DNAH10: variants seen among roughly 807,000 people sequenced by gnomAD.
DNAH10 encodes axonemal beta dynein heavy chain 10.
In DNAH10, 348 loss-of-function variants were observed where a neutral mutation model predicts 506.6. That is an observed-to-expected ratio of 0.69 (90% CI 0.63 to 0.75). DNAH10 has a LOEUF of 0.75. Among genes scored for constraint, DNAH10 ranks in the 30% least tolerant of loss-of-function variants. The pLI, the probability that DNAH10 is intolerant of heterozygous loss-of-function variation, is 0.00. For synonymous variants in DNAH10, 2,059 were observed against 2,198.6 expected, an observed-to-expected ratio of 0.94 and a Z score of 1.78; for missense variants, 5,179 against 5,787.1, an observed-to-expected ratio of 0.89 and a Z score of 3.41.
intron 35 of DNAH10, among the ~76,000 whole-genome samples, chr12:123,852,777 T>C (rs1951225932): frequency 6.6e-6 from 1 of 152,166 alleles, no homozygotes; most frequent in Non-Finnish European, 1.5e-5. Context: ...TTTCACCATG[T>C]TGGCTAGGCT....
Position 123,787,825 on chromosome 12 carries a change from A to G in DNAH10, c.1443A>G (p.Gln481=), listed in dbSNP as rs750898775. ...GCAGAGAAAATCGAGCGAGTGCCCAAAGCAAAACCTTGGAAGCCAGGAACA... is the reference window on the plus strand; with the variant it reads ...GCAGAGAAAATCGAGCGAGTGCCCAGAGCAAAACCTTGGAAGCCAGGAACA... ...TLFKENRASA[Q]SKTLEARNTL... The change falls in exon 10 of 79, where the codon CAA becomes CAG. Residue 481 remains glutamine, a synonymous_variant. Transcript: ENST00000673944. The surrounding 1 kb of genome is among the most constrained non-coding windows in gnomAD (Gnocchi z 4.6). 4.5e-5 allele frequency: 72 copies of G among 1,613,904 alleles called. No homozygotes were observed. The highest frequency in any genetic ancestry group is 5.3e-5 in the Non-Finnish European group (62 of 1,180,004).
intron 24 of DNAH10, among the ~76,000 whole-genome samples, chr12:123,823,375 G>A (rs540898453): frequency 6.6e-6 from 1 of 152,152 alleles, no homozygotes; most frequent in African/African-American, 2.4e-5. Context: ...GCAGGCAGGG[G>A]GTCCTTTAGG....
intron 51 of DNAH10, among the ~76,000 whole-genome samples, chr12:123,883,203 GT>G (rs1952585882): frequency 6.6e-6 from 1 of 152,236 alleles, no homozygotes; most frequent in Non-Finnish European, 1.5e-5. Flanking sequence ...GTGGACATGT[GT>G]TTGCATTGCT....
At position 123,871,472 on chromosome 12, in the gene DNAH10, C is replaced by T; in HGVS notation, c.7655C>T (p.Thr2552Ile). Residue 2552 changes from threonine to isoleucine, a missense_variant, in exon 45 of 79, where the codon ACC becomes ATC. Physicochemically the swap from Thr to Ile is moderately conservative, Grantham distance 89 (BLOSUM62 -1). Coordinates refer to ENST00000673944, the MANE Select transcript of DNAH10 (RefSeq NM_001372106.1). ...TCTACTTTAGTTCACACAGTGGATA[C>T]CACTCGGACTACCTGGATATTGGAA... Reference protein sequence around the residue: ...FINILVHTVDTTRTTWILEQM... With the variant: ...FINILVHTVDITRTTWILEQM... 6.3e-7 allele frequency: 1 copy of T among 1,585,596 alleles called. No individual in the cohort carries two copies. The highest frequency in any genetic ancestry group is 8.6e-7 in the Non-Finnish European group (1 of 1,164,580).
At chr12:123,894,918 C>T (rs1447510030) in intron 54 of DNAH10, among the ~76,000 whole-genome samples, 195 bp downstream of exon 54, 1 of 152,182 alleles carries the variant, frequency 6.6e-6, no homozygotes, top group African/African-American at 2.4e-5. Context: ...GGAGACTTAG[C>T]AAGGACAATT....
chr12:123,848,738 G>A lies in DNAH10; in HGVS notation c.5958G>A (p.Gly1986=). ...CATGTCTTTCTTCCTAGGCCGTGGG[G>A]AAGATTTTCTCTGGCCTGGCACAGT... ...CGEGMDYRAV[G]KIFSGLAQCG... is the part of the protein sequence containing the mutation. The change falls in exon 34 of 79, where the codon GGG becomes GGA. Residue 1986 remains glycine (G), a synonymous_variant. Transcript: ENST00000673944. 6.2e-7 allele frequency: 1 copy of A among 1,613,972 alleles called. No homozygotes were observed. Among genetic ancestry groups the A allele is most frequent in the Non-Finnish European group, 8.5e-7 (1 of 1,179,872 alleles).
At chr12:123,805,684 CA>C (rs1282343538) in intron 18 of DNAH10, among the ~76,000 whole-genome samples, 1 of 152,106 alleles carries the variant, frequency 6.6e-6, no homozygotes, top group Admixed American at 6.5e-5. Flanking sequence ...TTCATTTTAT[CA>C]TGCAGTGTCT....
At position 123,803,744 on chromosome 12, in the gene DNAH10, G is replaced by A; in HGVS notation, c.2698G>A (p.Asp900Asn). 1 of 1,611,230 alleles carries A rather than the reference G, an allele frequency of 6.2e-7. No homozygotes were observed. The highest frequency in any genetic ancestry group is 8.5e-7 in the Non-Finnish European group (1 of 1,179,376). ...CCACCAGATTCATAAGAATGCAGATGACATTTCTTCCAGGCTGACATTAAT... is the reference window on the plus strand; with the variant it reads ...CCACCAGATTCATAAGAATGCAGATAACATTTCTTCCAGGCTGACATTAAT... ...LVHQIHKNADDISSRLTLIEA... is the reference protein window; with the variant it reads ...LVHQIHKNADNISSRLTLIEA... Residue 900 changes from aspartate (D) to asparagine (N), a missense_variant, in exon 17 of 79, where the codon GAC becomes AAC. Coordinates refer to ENST00000673944, the MANE Select transcript of DNAH10 (RefSeq NM_001372106.1).
chr12:123,810,207 G>A (rs145195159), intron 19 of DNAH10, among the ~76,000 whole-genome samples: 2 of 152,302 alleles, frequency 1.3e-5, no homozygotes, highest in East Asian at 1.9e-4. Context: ...CAAGGTTTAT[G>A]TCTTACCCCA....
At chr12:123,866,689 C>T (rs1440021740) in intron 41 of DNAH10, among the ~76,000 whole-genome samples, 1 of 152,206 alleles carries the variant, frequency 6.6e-6, no homozygotes, top group African/African-American at 2.4e-5. Context: ...TGATTTCTTT[C>T]ACAGCTACTC....
At chr12:123,795,595 C>T (rs1354623987) in intron 12 of DNAH10, among the ~76,000 whole-genome samples, 2 of 152,182 alleles carry the variant, frequency 1.3e-5, no homozygotes, top group Non-Finnish European at 2.9e-5. Context: ...TAGAACCTCC[C>T]CAGAAAATTC....
chr12:123,891,289 A>G (rs150668726), intron 52 of DNAH10, among the ~76,000 whole-genome samples: 7 of 152,222 alleles, frequency 4.6e-5, no homozygotes, highest in East Asian at 1.9e-4. Flanking sequence ...GCCCATCTCA[A>G]TGACCTCATT....
Position 123,762,814 on chromosome 12 carries a change from G to A in DNAH10, c.214+264G>A, listed in dbSNP as rs954661481. Among the ~76,000 whole-genome samples, 3 of 152,226 alleles carry A rather than the reference G, an allele frequency of 2.0e-5. No individual in the cohort carries two copies. Among genetic ancestry groups the A allele is most frequent in the African/African-American group, 7.2e-5 (3 of 41,468 alleles). ...AACACTGACTTAGCCCGCACCCCGT[G>A]CCAGGTGCGGTTCCAACGCTTGTAT... On this transcript the variant is annotated intron_variant, in intron 1 of 78. Transcript: ENST00000673944. The surrounding 1 kb of genome is among the most constrained non-coding windows in gnomAD (Gnocchi z 5.0).
intron 16 of DNAH10, 141 bp downstream of exon 16, chr12:123,801,573 AAC>A: frequency 9.7e-7 from 1 of 1,028,992 alleles, no homozygotes; most frequent in East Asian, 2.7e-5. Context: ...CAAGTTGCGG[AAC>A]TTAGAACTGA....
rs1951879475 is a variant in DNAH10 at position 123,867,999 on chromosome 12, T to C, written c.7399T>C (p.Ser2467Pro). 1 of 1,613,928 alleles carries C rather than the reference T, an allele frequency of 6.2e-7. No individual in the cohort carries two copies. The highest frequency in any genetic ancestry group is 8.5e-7 in the Non-Finnish European group (1 of 1,179,882). The change falls in exon 43 of 79, where the codon TCT (serine) becomes CCT (proline). Residue 2467 changes from serine to proline, a missense_variant. By Grantham distance (74) the Ser-to-Pro change is moderately conservative (BLOSUM62 -1). Transcript: ENST00000673944. ...ECYFLEALYCSLGASLLEDGR... is the reference protein window; with the variant it reads ...ECYFLEALYCPLGASLLEDGR... ...CTACTTCCTGGAGGCTTTGTACTGCTCTCTGGGAGCCTCCCTGCTTGAGGA... is the reference window on the plus strand; with the variant it reads ...CTACTTCCTGGAGGCTTTGTACTGCCCTCTGGGAGCCTCCCTGCTTGAGGA...
At chr12:123,915,126 C>T in intron 62 of DNAH10, 127 bp downstream of exon 62, 1 of 1,309,394 alleles carries the variant, frequency 7.6e-7, no homozygotes, top group East Asian at 2.6e-5. Flanking sequence ...TCCATCCTGA[C>T]CCCCATGCGG....
At chr12:123,873,358 T>G (rs545905696) in intron 45 of DNAH10, among the ~76,000 whole-genome samples, 200 bp from the exon 46 acceptor site, 2 of 152,292 alleles carry the variant, frequency 1.3e-5, no homozygotes, top group African/African-American at 4.8e-5. Flanking sequence ...CGCTATTGAC[T>G]CATACAATCT....
chr12:123,908,570 G>A (rs78985577), intron 57 of DNAH10: 57,162 of 455,996 alleles, frequency 0.13, 4,204 homozygotes, highest in African/African-American at 0.19. Context: ...AGATGGGTTC[G>A]GTTCCTTCTC....
intron 2 of DNAH10, among the ~76,000 whole-genome samples, chr12:123,771,347 T>C (rs1460392662): frequency 2.6e-5 from 4 of 152,308 alleles, no homozygotes; most frequent in Non-Finnish European, 5.9e-5. Context: ...GGGTGGACAC[T>C]GTACCTGAGA....
Sources: allele counts gnomAD v4.1 joint callset (sites outside exome capture counted in the v4.1 genomes callset), GRCh38; gene constraint gnomAD v4.1.1; non-coding constraint Gnocchi (gnomAD v3.1); transcripts MANE v1.5; gene names NCBI Gene and HGNC (gene_info 2026-07-23, HGNC 2026-07-21).